The following KMT2C variants were observed in gnomAD, a reference collection of about 807,000 sequenced individuals.
KMT2C encodes lysine methyltransferase 2C.
In KMT2C, 88 loss-of-function variants were observed where a neutral mutation model predicts 507.9. The ratio of observed to expected loss-of-function variants is 0.17; its 90% CI spans 0.15 to 0.21. The LOEUF (loss-of-function observed/expected upper bound fraction) is 0.21, where lower values mean the gene tolerates loss of function less well. Ranked by LOEUF, KMT2C falls within the 10% of genes least tolerant of loss-of-function variation. The pLI is 1.00. For missense variants in KMT2C, 4,954 were observed against 5,957.8 expected (o/e 0.83, Z 5.55); for synonymous variants, 2,049 against 2,080.8 (o/e 0.98, Z 0.42).
At chr7:152,165,184 A>G (rs1355732233) in intron 42 of KMT2C, among the ~76,000 whole-genome samples, 2 of 152,238 alleles carry the variant, frequency 1.3e-5, no homozygotes, top group Non-Finnish European at 2.9e-5. Flanking sequence ...CTACAACACT[A>G]TGTGGGATAT....
chr7:152,297,055 CAGAGAGAGAGAGAGAG>C lies in KMT2C; in HGVS notation c.849+12895_849+12910del, dbSNP rs769381866. Among the ~76,000 whole-genome samples, 33 of 84,436 alleles carry C rather than the reference CAGAGAGAGAGAGAGAG, an allele frequency of 3.9e-4. 1 individual carries two copies. The highest frequency in any genetic ancestry group is 1.4e-3 in the East Asian group (4 of 2,906). 55.4% of individuals were successfully genotyped at this position (84,436 alleles called of 152,430 possible). The stretch of plus-strand genomic sequence containing the variant: ...AAAGAAAGAAAGAAAGAAAGAAAGA[CAGAGAGAGAGAGAGAG>C]AGAGAGAGAGAGAGAGAGAGAGAAA... On this transcript the variant is annotated intron_variant, in intron 6 of 58. Coordinates refer to ENST00000262189, the MANE Select transcript of KMT2C (RefSeq NM_170606.3).
rs2092571999 is a variant in KMT2C at position 152,163,576 on chromosome 7, C to A, written c.10001G>T (p.Gly3334Val). ...GGCAGGAGCACTGTTGGGTTGCCATCCAGGTAAACTGGGCATTCTAACAGG... is the reference window on the plus strand; with the variant it reads ...GGCAGGAGCACTGTTGGGTTGCCATACAGGTAAACTGGGCATTCTAACAGG... ...TSPVRMPSLP[G>V]WQPNSAPAHL... Residue 3334 changes from glycine (G) to valine (V), a missense_variant, in exon 43 of 59, where the codon GGA becomes GTA. Gly to Val is a moderately radical substitution (Grantham distance 109). This residue lies in a region of KMT2C where 801 missense variants were observed against 751.2 expected (regional missense o/e 1.07). Transcript: ENST00000262189. The A allele has an allele frequency of 2.5e-6, 4 of 1,605,320 alleles. No individual in the cohort carries two copies. In the South Asian group the frequency reaches 4.5e-5, roughly 18 times the overall value.
rs2095512830 is a variant in KMT2C, at chr7:152,248,529, C to T, written c.1905G>A (p.Lys635=). 1 of 1,613,994 alleles carries T rather than the reference C, an allele frequency of 6.2e-7. No individual in the cohort carries two copies. Among genetic ancestry groups the T allele is most frequent in the Non-Finnish European group, 8.5e-7 (1 of 1,179,928 alleles). The change falls in exon 14 of 59, where the codon AAG becomes AAA. Residue 635 remains lysine, a synonymous_variant. Transcript: ENST00000262189. ...CAATTTGATCTTCGCCACAAATATG[C>T]TTCACTTCAGAAGACATTTTCAGGT... is the stretch of plus-strand genomic sequence containing the variant. ...SEDLKMSSEV[K]HICGEDQIED... is the part of the protein sequence containing the mutation.
intron 23 of KMT2C, among the ~76,000 whole-genome samples, chr7:152,211,032 C>A (rs1159004581): frequency 6.6e-6 from 1 of 151,232 alleles, no homozygotes; most frequent in Non-Finnish European, 1.5e-5. Flanking sequence ...CTGAAAGAGA[C>A]CACTCAGTGC....
intron 41 of KMT2C, among the ~76,000 whole-genome samples, chr7:152,168,289 T>A (rs1251419957): frequency 6.6e-6 from 1 of 152,210 alleles, no homozygotes; most frequent in Admixed American, 6.5e-5. Context: ...TTGTCATACA[T>A]TAAGAATCCA....
chr7:152,378,276 C>T (rs6977053), intron 1 of KMT2C, among the ~76,000 whole-genome samples: 1 of 152,098 alleles, frequency 6.6e-6, no homozygotes, highest in Non-Finnish European at 1.5e-5. Flanking sequence ...ATGAAAGAAA[C>T]AGGCAATCAA....
In KMT2C at chr7:152,307,581, G is replaced by C. The variant is rs192831599; in HGVS notation, c.849+2385C>G. Reference sequence around the variant, plus strand: ...ACTCAATCTGCATTTAACTTGCTTAGGCCCACCAAATTCTAATGCCTAAAC... The same window carrying C: ...ACTCAATCTGCATTTAACTTGCTTACGCCCACCAAATTCTAATGCCTAAAC... On this transcript the variant is annotated intron_variant, in intron 6 of 58. Coordinates refer to ENST00000262189, the MANE Select transcript of KMT2C (RefSeq NM_170606.3). Among the ~76,000 whole-genome samples the C allele has an allele frequency of 2.2e-3, 334 of 152,150 alleles. 2 individuals are homozygous for C. The highest frequency in any genetic ancestry group is 4.0e-3 in the Non-Finnish European group (269 of 68,004).
chr7:152,338,869 G>A (rs115138220), intron 2 of KMT2C, among the ~76,000 whole-genome samples: 93 of 152,262 alleles, frequency 6.1e-4, no homozygotes, highest in African/African-American at 2.2e-3. Flanking sequence ...ATCACTTACT[G>A]AATATAAACA....
Position 152,195,860 on chromosome 7 carries a change from C to T in KMT2C, c.4378+47G>A, listed in dbSNP as rs757079077. The T allele has an allele frequency of 1.2e-5, 13 of 1,066,870 alleles. No homozygotes were observed. The South Asian group carries it at 1.3e-4, about 11-fold the overall frequency. 66.1% of individuals were successfully genotyped at this position (1,066,870 alleles called of 1,614,324 possible). On this transcript the variant is annotated intron_variant, in intron 28 of 58. Coordinates refer to ENST00000262189, the MANE Select transcript of KMT2C (RefSeq NM_170606.3). The stretch of plus-strand genomic sequence containing the variant: ...CTTGTTCCACACATCATACACCTCT[C>T]GCTCACATCAGAAACCAGAAAAAGG...
At chr7:152,251,263 A>G (rs1207229348) in intron 11 of KMT2C, among the ~76,000 whole-genome samples, 3 of 152,252 alleles carry the variant, frequency 2.0e-5, no homozygotes, top group Admixed American at 6.5e-5. Context: ...CCAGGCCAAC[A>G]TAGTGAGAAC....
At chr7:152,407,820 AATG>A (rs1589797928) in intron 1 of KMT2C, among the ~76,000 whole-genome samples, 2 of 152,422 alleles carry the variant, frequency 1.3e-5, no homozygotes, top group East Asian at 3.8e-4. Flanking sequence ...CAACTTGAGC[AATG>A]ATTTTAAAAC....
At chr7:152,176,103 G>A (rs772951761) in intron 38 of KMT2C, 88 bp downstream of exon 38, 1 of 1,279,756 alleles carries the variant, frequency 7.8e-7, no homozygotes. Context: ...TATTCCAACT[G>A]TAATTCTAAT....
At chr7:152,193,116 A>AGC (rs2093854203) in intron 31 of KMT2C, among the ~76,000 whole-genome samples, 1 of 152,156 alleles carries the variant, frequency 6.6e-6, no homozygotes, top group Non-Finnish European at 1.5e-5. Flanking sequence ...ATCGCAGCTG[A>AGC]CGTGAGTTGT....
At chr7:152,282,223 A>C (rs144568637) in intron 6 of KMT2C, among the ~76,000 whole-genome samples, 1 of 135,746 alleles carries the variant, frequency 7.4e-6, no homozygotes, top group Non-Finnish European at 1.6e-5. Context: ...CTTGAACCCA[A>C]GAGGTGGAGG....
chr7:152,179,745 G>T, intron 37 of KMT2C, 89 bp downstream of exon 37: 2 of 1,233,134 alleles, frequency 1.6e-6, no homozygotes, highest in Non-Finnish European at 2.3e-6. Context: ...TCAGCTAGTA[G>T]CTAGGATTAC....
At position 152,138,593 on chromosome 7, in the gene KMT2C, T is replaced by C. The variant is rs2090149643; in HGVS notation, c.14643+203A>G. 1 of 478,640 alleles carries C rather than the reference T, an allele frequency of 2.1e-6. No homozygotes were observed. 29.6% of individuals were successfully genotyped at this position (478,640 alleles called of 1,614,324 possible). A position where few individuals can be genotyped will look rare whatever the true frequency, so the allele number is the denominator to read the frequency against. On this transcript the variant is annotated intron_variant, in intron 58 of 58. Transcript: ENST00000262189. This position sits in a 1 kb window ranked among gnomAD's most constrained non-coding sequence, Gnocchi z 4.2. ...GGAAGGGAGAGGTGACAGCAAATGC[T>C]CACAGAGCTGCCATGTGGAGGAAGG...
Position 152,162,962 on chromosome 7 carries a change from G to C in KMT2C, c.10615C>G (p.Leu3539Val). Residue 3539 changes from leucine to valine, a missense_variant, in exon 43 of 59, where the codon CTT (leucine) becomes GTT (valine). Leu to Val is a conservative substitution (Grantham distance 32). Around this residue, in one of 29 missense-constraint regions of KMT2C, gnomAD observed 801 missense variants for 751.2 expected, o/e 1.07. Coordinates refer to ENST00000262189, the MANE Select transcript of KMT2C (RefSeq NM_170606.3). ...FSSVKQGHGNLSGTSFQQSPV... is the reference protein window; with the variant it reads ...FSSVKQGHGNVSGTSFQQSPV... ...GACTGCTGGAAGCTGGTCCCAGAAA[G>C]ATTTCCATGTCCCTGCTTCACAGAA... The C allele has an allele frequency of 1.2e-6, 2 of 1,614,196 alleles. No individual in the cohort carries two copies. Among genetic ancestry groups the C allele is most frequent in the Non-Finnish European group, 1.7e-6 (2 of 1,180,038 alleles).
intron 2 of KMT2C, among the ~76,000 whole-genome samples, chr7:152,342,559 G>A (rs1263971311): frequency 1.3e-5 from 2 of 152,196 alleles, no homozygotes; most frequent in East Asian, 1.9e-4. Context: ...TGGAGGAATA[G>A]ACATGAATCA....
chr7:152,300,562 T>G (rs1352470635), intron 6 of KMT2C, among the ~76,000 whole-genome samples: 1 of 152,224 alleles, frequency 6.6e-6, no homozygotes, highest in Non-Finnish European at 1.5e-5. Flanking sequence ...TACATGGATT[T>G]TTCCAGACTC....
Sources: allele counts gnomAD v4.1 joint callset (sites outside exome capture counted in the v4.1 genomes callset), GRCh38; gene constraint gnomAD v4.1.1; regional missense constraint gnomAD v4.1.1; non-coding constraint Gnocchi (gnomAD v3.1); transcripts MANE v1.5; gene names NCBI Gene and HGNC (gene_info 2026-07-23, HGNC 2026-07-21).